TCF12: variants seen among roughly 807,000 people sequenced by gnomAD.
The protein encoded by TCF12 is DNA-binding protein HTF4.
Under a neutral mutation model 86.0 loss-of-function variants are expected in TCF12, and 45 were observed. That is an observed-to-expected ratio of 0.52 (90% CI 0.41 to 0.67). TCF12 has a LOEUF of 0.67. Among genes scored for constraint, TCF12 ranks in the 30% least tolerant of loss-of-function variants. The pLI, the probability that TCF12 is intolerant of heterozygous loss-of-function variation, is 0.00. For synonymous variants in TCF12, 330 were observed against 299.6 expected, an observed-to-expected ratio of 1.10 and a Z score of -1.05; for missense variants, 881 against 859.9, an observed-to-expected ratio of 1.02 and a Z score of -0.31.
At chr15:56,953,892 T>TC (rs1311768710) in intron 3 of TCF12, among the ~76,000 whole-genome samples, 2 of 151,346 alleles carry the variant, frequency 1.3e-5, no homozygotes, top group Non-Finnish European at 3.0e-5. Context: ...TTTTTTTTTT[T>TC]TCTCTATTTT....
At chr15:57,232,202 G>C (rs1229027993) in intron 9 of TCF12, 89 bp from the exon 10 acceptor site, 4 of 1,460,236 alleles carry the variant, frequency 2.7e-6, no homozygotes, top group Non-Finnish European at 3.8e-6. Context: ...AAAATATCTG[G>C]AGGGTACCCC....
chr15:57,097,262 T>A (rs560698727), intron 5 of TCF12, among the ~76,000 whole-genome samples: 41 of 152,224 alleles, frequency 2.7e-4, no homozygotes, highest in African/African-American at 9.6e-4. Context: ...TCTTTTGGCT[T>A]AGTGGGGTGG....
chr15:57,271,368 G>C (rs2061134463), intron 18 of TCF12, among the ~76,000 whole-genome samples: 1 of 152,222 alleles, frequency 6.6e-6, no homozygotes, highest in Admixed American at 6.5e-5. Flanking sequence ...AGCAAGCAAG[G>C]CTCCGTGGGC....
At chr15:56,983,146 G>A (rs1897377896) in intron 3 of TCF12, among the ~76,000 whole-genome samples, 1 of 152,156 alleles carries the variant, frequency 6.6e-6, no homozygotes, top group Non-Finnish European at 1.5e-5. Context: ...CCTATTTTCT[G>A]TGAACCTTGA....
intron 5 of TCF12, among the ~76,000 whole-genome samples, chr15:57,101,715 G>A (rs2049768611): frequency 6.6e-6 from 1 of 152,112 alleles, no homozygotes; most frequent in African/African-American, 2.4e-5. Context: ...TGTTTTGGTG[G>A]TTCCACAGTC....
At chr15:57,090,759 C>T (rs567063013) in intron 4 of TCF12, among the ~76,000 whole-genome samples, 2 of 152,214 alleles carry the variant, frequency 1.3e-5, no homozygotes, top group East Asian at 1.9e-4. Flanking sequence ...TTTTCTCTTA[C>T]TTGGGCTTCG....
chr15:57,273,545 T>C (rs972805327), intron 19 of TCF12, among the ~76,000 whole-genome samples: 1 of 152,088 alleles, frequency 6.6e-6, no homozygotes, highest in East Asian at 1.9e-4. Flanking sequence ...TGTGTCTCTT[T>C]GCTCTGGTTG....
intron 3 of TCF12, among the ~76,000 whole-genome samples, chr15:56,999,489 A>C (rs2063898026): frequency 3.9e-5 from 6 of 152,192 alleles, no homozygotes; most frequent in Admixed American, 3.9e-4. Flanking sequence ...TAAATTTGAC[A>C]ACTTAGGTGA....
chr15:57,215,354 T>C (rs1167225009), intron 8 of TCF12, among the ~76,000 whole-genome samples: 2 of 152,138 alleles, frequency 1.3e-5, no homozygotes, highest in East Asian at 1.9e-4. Flanking sequence ...ATTCTCTCAC[T>C]ATCCTCTTAA....
chr15:57,179,036 G>GA (rs375525749), intron 6 of TCF12, among the ~76,000 whole-genome samples: 33 of 142,696 alleles, frequency 2.3e-4, no homozygotes, highest in Admixed American at 4.9e-4. Context: ...GGGAAGTTGA[G>GA]AAAAAAAAAA....
chr15:57,148,412 A>T (rs867017149), intron 5 of TCF12, among the ~76,000 whole-genome samples: 1,374 of 19,130 alleles, frequency 0.072, 26 homozygotes, highest in African/African-American at 0.1. Context: ...GACTTTGTTT[A>T]AAAAAAAAAA....
intron 5 of TCF12, among the ~76,000 whole-genome samples, chr15:57,104,635 C>T (rs974331791): frequency 4.0e-5 from 6 of 151,344 alleles, no homozygotes; most frequent in African/African-American, 1.5e-4. Context: ...GGAGTTTTGT[C>T]ACGTTGGCCA....
intron 3 of TCF12, among the ~76,000 whole-genome samples, chr15:57,005,871 G>C (rs1257312185): frequency 6.6e-6 from 1 of 152,122 alleles, no homozygotes; most frequent in African/African-American, 2.4e-5. Context: ...CCCTCAGTCT[G>C]AGTATTTTAC....
chr15:57,074,314 GTTC>G (rs2069684927), intron 4 of TCF12, among the ~76,000 whole-genome samples: 1 of 134,422 alleles, frequency 7.4e-6, no homozygotes, highest in Non-Finnish European at 1.6e-5. Context: ...TCTATACATT[GTTC>G]TTCTTTTTAC....
chr15:57,276,553 T>A (rs1424653264), intron 19 of TCF12, among the ~76,000 whole-genome samples: 1 of 152,190 alleles, frequency 6.6e-6, no homozygotes, highest in Non-Finnish European at 1.5e-5. Context: ...AATCTTGTGC[T>A]GAATACAGTG....
In TCF12 at chr15:57,061,881, A is replaced by G. The variant is rs115078517; in HGVS notation, c.149-1869A>G. ...TCAGAGGAATACTTGCTGCTATTCTACAGTGTTGGTTGCAGAGAAAATGCT... is the reference window on the plus strand; with the variant it reads ...TCAGAGGAATACTTGCTGCTATTCTGCAGTGTTGGTTGCAGAGAAAATGCT... On this transcript the variant is annotated intron_variant, in intron 3 of 20. Coordinates refer to ENST00000333725, the MANE Select transcript of TCF12 (RefSeq NM_207037.2). Among the ~76,000 whole-genome samples, 192 of 152,176 alleles carry G rather than the reference A, an allele frequency of 1.3e-3. 1 individual carries two copies. The highest frequency in any genetic ancestry group is 4.3e-3 in the African/African-American group (177 of 41,502).
chr15:57,050,120 C>T lies in TCF12; in HGVS notation c.149-13630C>T, dbSNP rs113028400. On this transcript the variant is annotated intron_variant, in intron 3 of 20. Transcript: ENST00000333725. ...AAAGTATTATTCTGTATACCTCTTC[C>T]TATTCTTTGTCATACAAATGTTGCA... Among the ~76,000 whole-genome samples the T allele has an allele frequency of 1.8e-4, 28 of 152,272 alleles. 4 individuals are homozygous for T. Among genetic ancestry groups the T allele is most frequent in the African/African-American group, 6.7e-4 (28 of 41,562 alleles).
intron 14 of TCF12, 79 bp from the exon 15 acceptor site, chr15:57,252,342 C>T: frequency 2.0e-6 from 2 of 996,904 alleles, no homozygotes. Flanking sequence ...TGCTGACATG[C>T]ATATCAGCTA....
At chr15:57,251,249 G>A (rs1434329025) in intron 13 of TCF12, 101 bp from the exon 14 acceptor site, 5 of 963,460 alleles carry the variant, frequency 5.2e-6, no homozygotes, top group Non-Finnish European at 4.8e-6. Context: ...AAATATTCAT[G>A]TAAATTTATT....
Sources: gnomAD v4.1 joint callset for allele counts (sites outside exome capture counted in the v4.1 genomes callset) on GRCh38, gnomAD v4.1.1 for gene constraint, MANE v1.5 for transcripts, NCBI Gene and HGNC (gene_info 2026-07-23, HGNC 2026-07-21) for gene names.